The following NCOA3 variants were observed in gnomAD, a reference collection of about 807,000 sequenced individuals.
The protein encoded by NCOA3 is nuclear receptor coactivator 3, also known as CBP-interacting protein.
NCOA3 carries 51 observed loss-of-function variants against 158.8 expected under a neutral mutation model. The ratio of observed to expected loss-of-function variants is 0.32; its 90% CI spans 0.26 to 0.41. The LOEUF is 0.41. Among genes scored for constraint, NCOA3 ranks in the 10% least tolerant of loss-of-function variants. The probability of loss-of-function intolerance (pLI) is 1.00; values close to 1 mark genes in which losing one functional copy is unlikely to be tolerated. For synonymous variants in NCOA3, 537 were observed against 592.4 expected, an observed-to-expected ratio of 0.91 and a Z score of 1.36; for missense variants, 1,510 against 1,746.6, an observed-to-expected ratio of 0.86 and a Z score of 2.41.
intron 1 of NCOA3, among the ~76,000 whole-genome samples, chr20:47,509,462 A>T (rs2084081085): frequency 1.3e-5 from 2 of 152,158 alleles, no homozygotes; most frequent in African/African-American, 2.4e-5. Flanking sequence ...TGTGTGTGTG[A>T]GAGAGAGGGA....
At chr20:47,509,722 A>G (rs2084086034) in intron 1 of NCOA3, among the ~76,000 whole-genome samples, 2 of 152,176 alleles carry the variant, frequency 1.3e-5, no homozygotes, top group Non-Finnish European at 1.5e-5. Flanking sequence ...AGCCTGGGCA[A>G]CATAGCAAGA....
At chr20:47,606,759 C>G (rs575825677) in intron 2 of NCOA3, among the ~76,000 whole-genome samples, 2 of 152,294 alleles carry the variant, frequency 1.3e-5, no homozygotes, top group South Asian at 2.1e-4. Flanking sequence ...AGTGACAAAC[C>G]ATGGCTATTG....
At chr20:47,525,676 C>T (rs1465534172) in intron 1 of NCOA3, among the ~76,000 whole-genome samples, 7 of 136,342 alleles carry the variant, frequency 5.1e-5, no homozygotes, top group Non-Finnish European at 1.1e-4. Context: ...ACCCCCCCCA[C>T]CTCCCTCCCG....
chr20:47,632,898 G>C (rs1222368582), intron 8 of NCOA3, among the ~76,000 whole-genome samples: 1 of 151,852 alleles, frequency 6.6e-6, no homozygotes, highest in Admixed American at 6.6e-5. Flanking sequence ...GGCCAGGATG[G>C]TCTTGATATC....
chr20:47,625,453 A>C lies in NCOA3; in HGVS notation c.329A>C (p.Lys110Thr). The C allele has an allele frequency of 6.2e-7, 1 of 1,612,980 alleles. No homozygotes were observed. The highest frequency in any genetic ancestry group is 8.5e-7 in the Non-Finnish European group (1 of 1,179,040). Residue 110 changes from lysine to threonine, a missense_variant, in exon 5 of 23, where the codon AAA (lysine) becomes ACA (threonine). This residue lies in a region of NCOA3 where 309 missense variants were observed against 427.1 expected (regional missense o/e 0.72). Transcript: ENST00000371998. ...VSSTGQGVID[K>T]DSLGPLLLQA... ...TCTACAGGGCAGGGAGTTATTGATA[A>C]AGACTCCTTAGGACCGCTTTTACTT...
chr20:47,533,746 T>C (rs2084588312), intron 1 of NCOA3, among the ~76,000 whole-genome samples: 1 of 152,038 alleles, frequency 6.6e-6, no homozygotes, highest in Non-Finnish European at 1.5e-5. Flanking sequence ...CTGAGCAACA[T>C]AGATCCTATC....
chr20:47,621,866 G>A (rs1413636117), intron 2 of NCOA3, among the ~76,000 whole-genome samples: 2 of 151,572 alleles, frequency 1.3e-5, no homozygotes, highest in African/African-American at 2.4e-5. Context: ...TTGGCCAGAC[G>A]GGATTTCACC....
chr20:47,520,097 C>T (rs568357102), intron 1 of NCOA3, among the ~76,000 whole-genome samples: 2 of 140,378 alleles, frequency 1.4e-5, no homozygotes, highest in Non-Finnish European at 3.0e-5. Context: ...AAAAGGAAGG[C>T]TACAGGTTGT....
intron 2 of NCOA3, among the ~76,000 whole-genome samples, chr20:47,588,748 ATAGCGTACTATATATAC>A (rs2085577467): frequency 6.6e-6 from 1 of 152,116 alleles, no homozygotes; most frequent in Admixed American, 6.6e-5. Context: ...TATACAAAAG[ATAGCGTACTATATATAC>A]TCTTGCACTT....
At chr20:47,544,499 A>G (rs988160675) in intron 1 of NCOA3, among the ~76,000 whole-genome samples, 1 of 151,828 alleles carries the variant, frequency 6.6e-6, no homozygotes, top group Non-Finnish European at 1.5e-5. Context: ...ATTTAAAAAA[A>G]TTTATGAAGT....
intron 1 of NCOA3, among the ~76,000 whole-genome samples, chr20:47,547,819 G>C (rs556384841): frequency 6.6e-6 from 1 of 151,974 alleles, no homozygotes; most frequent in South Asian, 2.1e-4. Context: ...GGGTTCAAGC[G>C]ATTGTCGTGC....
intron 1 of NCOA3, among the ~76,000 whole-genome samples, chr20:47,512,395 A>C (rs6018517): frequency 0.85 from 129,205 of 151,498 alleles, 55,915 homozygotes; most frequent in Non-Finnish European, 0.91. Flanking sequence ...ATGGTGAGAC[A>C]CCGTCTCTAC....
chr20:47,642,264 G>A lies in NCOA3; in HGVS notation c.3132G>A (p.Leu1044=), dbSNP rs147647230. 2,213 of 1,610,598 alleles carry A rather than the reference G, an allele frequency of 1.4e-3. 5 individuals carry two copies. The highest frequency in any genetic ancestry group is 1.8e-3 in the Non-Finnish European group (2,123 of 1,178,862). ...ATCTTGTTGGGCCACCTTCCAACCT[G>A]GAAGGCCAGAGTGACGAAAGAGCAT... The part of the protein sequence containing the change: ...LDDLVGPPSN[L]EGQSDERALL... The change falls in exon 17 of 23, where the codon CTG becomes CTA. Residue 1044 remains leucine (L), a synonymous_variant. Transcript: ENST00000371998.
chr20:47,625,366 C>T lies in NCOA3; in HGVS notation c.257-15C>T. 1 of 1,564,076 alleles carries T rather than the reference C, an allele frequency of 6.4e-7. No individual in the cohort carries two copies. The highest frequency in any genetic ancestry group is 8.8e-7 in the Non-Finnish European group (1 of 1,135,066). ...GATAGTGTGTTATTCGTTATACCAC[C>T]TTCTGTCTTTTCAGGAAAAACTATT... On this transcript the variant is annotated splice_polypyrimidine_tract_variant and intron_variant, in intron 4 of 22. Transcript: ENST00000371998.
chr20:47,604,632 C>G (rs1279487393), intron 2 of NCOA3, among the ~76,000 whole-genome samples: 2 of 152,116 alleles, frequency 1.3e-5, no homozygotes, highest in Non-Finnish European at 2.9e-5. Context: ...GAGATGGGAG[C>G]TTGCTATGTT....
At chr20:47,649,829 C>A (rs2086752165) in intron 19 of NCOA3, among the ~76,000 whole-genome samples, 1 of 152,016 alleles carries the variant, frequency 6.6e-6, no homozygotes, top group South Asian at 2.1e-4. Context: ...TAAAAGCTTG[C>A]TTTTTGGAGA....
At chr20:47,526,902 C>G (rs1198992492) in intron 1 of NCOA3, among the ~76,000 whole-genome samples, 2 of 152,176 alleles carry the variant, frequency 1.3e-5, no homozygotes, top group Admixed American at 6.5e-5. Flanking sequence ...CTCGGCCTCC[C>G]AAAGTGCTGG....
chr20:47,624,211 CACATT>C (rs1489788913), intron 4 of NCOA3, 128 bp downstream of exon 4: 1 of 708,206 alleles, frequency 1.4e-6, no homozygotes, highest in Non-Finnish European at 2.3e-6. Context: ...ATGATTCAAG[CACATT>C]ACGTTTGTGG....
intron 1 of NCOA3, among the ~76,000 whole-genome samples, chr20:47,511,540 T>TCTCTCG (rs2084133152): frequency 8.8e-5 from 2 of 22,642 alleles, no homozygotes; most frequent in Admixed American, 1.6e-3. Context: ...TATATATATA[T>TCTCTCG]ATATATATAT....
Sources: allele counts gnomAD v4.1 joint callset (sites outside exome capture counted in the v4.1 genomes callset), GRCh38; gene constraint gnomAD v4.1.1; regional missense constraint gnomAD v4.1.1; transcripts MANE v1.5; gene names NCBI Gene and HGNC (gene_info 2026-07-23, HGNC 2026-07-21).